TSPAN4: variants seen among roughly 807,000 people sequenced by gnomAD.
TSPAN4 encodes tetraspanin 4, also known as tetraspanin-4.
A neutral mutation model predicts 31.5 loss-of-function variants in TSPAN4; 38 were observed. That is an observed-to-expected ratio of 1.21 (90% CI 0.93 to 1.58). TSPAN4 has a LOEUF of 1.58. TSPAN4 is among the 40% of genes most tolerant of loss of function. TSPAN4 has a pLI of 0.00. For synonymous variants in TSPAN4, 186 were observed against 144.6 expected (o/e 1.29, Z -2.06); for missense variants, 330 against 317.3 (o/e 1.04, Z -0.30).
chr11:850,703 T>G (rs1366105723), intron 3 of TSPAN4, among the ~76,000 whole-genome samples: 2 of 152,196 alleles, frequency 1.3e-5, no homozygotes, highest in Non-Finnish European at 2.9e-5. Context: ...GCGCCTCTCC[T>G]AGGGTCGGGG....
Position 866,524 on chromosome 11 carries a change from T to C in TSPAN4, c.649-38T>C. 3 of 1,597,886 alleles carry C rather than the reference T, an allele frequency of 1.9e-6. No individual in the cohort carries two copies. The South Asian group carries it at 3.3e-5, about 18-fold the overall frequency. ...GCTCTGGGCTTGAGGCCTGAGCCTGTGGAGCTGCCATGCCCAGTCCTCCTC... is the reference window on the plus strand; with the variant it reads ...GCTCTGGGCTTGAGGCCTGAGCCTGCGGAGCTGCCATGCCCAGTCCTCCTC... On this transcript the variant is annotated intron_variant, in intron 8 of 8. Transcript: ENST00000397397.
chr11:849,503 C>G (rs892421706), intron 2 of TSPAN4, among the ~76,000 whole-genome samples: 2 of 152,104 alleles, frequency 1.3e-5, no homozygotes, highest in Non-Finnish European at 2.9e-5. Flanking sequence ...GGCGAGGTAC[C>G]GTGGGGGGAA....
At position 859,262 on chromosome 11, in the gene TSPAN4, C is replaced by A. The variant is rs374941289; in HGVS notation, c.64-3288C>A. ...GCTCACACACACCCCCACTCACACA[C>A]ACCCTGGCCCACACGCACCTTGGCT... is the stretch of plus-strand genomic sequence containing the variant. On this transcript the variant is annotated intron_variant, in intron 3 of 8. Transcript: ENST00000397397. Among the ~76,000 whole-genome samples, 71 of 121,748 alleles carry A rather than the reference C, an allele frequency of 5.8e-4. 2 individuals are homozygous for A. The highest frequency in any genetic ancestry group is 1.7e-3 in the African/African-American group (53 of 30,770). 79.9% of individuals were successfully genotyped at this position (121,748 alleles called of 152,430 possible). A position where few individuals can be genotyped will look rare whatever the true frequency, so the allele number is the denominator to read the frequency against.
At position 864,289 on chromosome 11, in the gene TSPAN4, G is replaced by A. The variant is rs894880031; in HGVS notation, c.256-148G>A. The A allele has an allele frequency of 5.0e-5, 47 of 939,554 alleles. 1 individual carries two copies. The highest frequency in any genetic ancestry group is 3.4e-4 in the South Asian group (23 of 67,418). 58.2% of individuals were successfully genotyped at this position (939,554 alleles called of 1,614,324 possible). A position where few individuals can be genotyped will look rare whatever the true frequency, so the allele number is the denominator to read the frequency against. On this transcript the variant is annotated intron_variant, in intron 4 of 8. Coordinates refer to ENST00000397397, the MANE Select transcript of TSPAN4 (RefSeq NM_003271.5). ...CCAAGGGTTCTGAGGTGGGGGCGGC[G>A]TTCTGGGCTCTCTGGGAGTGGGGGC...
At chr11:866,099 C>T (rs898689571) in intron 8 of TSPAN4, 98 bp downstream of exon 8, 148 of 1,346,822 alleles carry the variant, frequency 1.1e-4, no homozygotes, top group Non-Finnish European at 6.4e-5. Context: ...CAGGAACCCA[C>T]GATCGGGGGA....
rs1847423854 is a variant in TSPAN4, at chr11:848,138, G to T, written c.-18+838G>T. Among the ~76,000 whole-genome samples the T allele has an allele frequency of 6.6e-6, 1 of 152,230 alleles. No individual in the cohort carries two copies. Among genetic ancestry groups the T allele is most frequent in the Non-Finnish European group, 1.5e-5 (1 of 68,028 alleles). The stretch of plus-strand genomic sequence containing the variant: ...TCTGCCCTCAGGTTGCACCTGCGTG[G>T]CCAGGGGAAGGGGGCCGGGCGCCAT... On this transcript the variant is annotated intron_variant, in intron 2 of 8. Transcript: ENST00000397397. The surrounding 1 kb of genome is among the most constrained non-coding windows in gnomAD (Gnocchi z 5.7).
At chr11:852,490 C>A (rs552520198) in intron 3 of TSPAN4, among the ~76,000 whole-genome samples, 19 of 152,072 alleles carry the variant, frequency 1.2e-4, no homozygotes, top group African/African-American at 3.1e-4. Context: ...CAGCCTTGGC[C>A]CCCCCCAACC....
intron 3 of TSPAN4, 96 bp downstream of exon 3, chr11:850,463 C>T: frequency 9.1e-7 from 1 of 1,093,232 alleles, no homozygotes. Context: ...CTGCCCCGGC[C>T]AGGCGTTGGG....
intron 3 of TSPAN4, among the ~76,000 whole-genome samples, chr11:853,343 C>T (rs1847860843): frequency 6.6e-6 from 1 of 152,180 alleles, no homozygotes; most frequent in African/African-American, 2.4e-5. Context: ...TCCTGGCTTC[C>T]AAGGTCTCTT....
chr11:862,755 C>A lies in TSPAN4; in HGVS notation c.255+14C>A. On this transcript the variant is annotated intron_variant, in intron 4 of 8. Coordinates refer to ENST00000397397, the MANE Select transcript of TSPAN4 (RefSeq NM_003271.5). ...CTCCTGCTCACTGTGAGTGCCGGGG[C>A]CCAAGCGATGCTCCGGGTGGGACCA... is the stretch of plus-strand genomic sequence containing the variant. 1.2e-6 allele frequency: 2 copies of A among 1,602,340 alleles called. No individual in the cohort carries two copies. Among genetic ancestry groups the A allele is most frequent in the Non-Finnish European group, 1.7e-6 (2 of 1,174,222 alleles).
intron 3 of TSPAN4, among the ~76,000 whole-genome samples, chr11:856,164 G>C (rs749061856): frequency 6.6e-6 from 1 of 152,204 alleles, no homozygotes. Flanking sequence ...CACGCCCAGC[G>C]CTGGGGGACG....
At chr11:847,500 C>G (rs1284166116) in intron 2 of TSPAN4, among the ~76,000 whole-genome samples, 200 bp downstream of exon 2, 2 of 152,098 alleles carry the variant, frequency 1.3e-5, no homozygotes, top group Non-Finnish European at 2.9e-5. Context: ...TTGAAGGACC[C>G]TCCCCGACTG....
intron 1 of TSPAN4, among the ~76,000 whole-genome samples, chr11:845,919 A>G (rs2133982639): frequency 1.3e-5 from 2 of 152,262 alleles, no homozygotes; most frequent in East Asian, 3.9e-4. Flanking sequence ...TGTAGCCCCC[A>G]GTCCCTGCTC....
At chr11:861,923 CAAAAAAAG>C (rs998669615) in intron 3 of TSPAN4, among the ~76,000 whole-genome samples, 14 of 151,768 alleles carry the variant, frequency 9.2e-5, no homozygotes, top group Admixed American at 4.6e-4. Flanking sequence ...ACTCCATCTC[CAAAAAAAG>C]AAAAAAAGAA....
intron 2 of TSPAN4, chr11:849,893 C>A (rs1847554257): frequency 6.7e-6 from 1 of 148,336 alleles, no homozygotes; most frequent in Non-Finnish European, 1.5e-5. Flanking sequence ...CGAGCGGATC[C>A]GCGCGACCCG....
chr11:856,541 C>T (rs759428961), intron 3 of TSPAN4, among the ~76,000 whole-genome samples: 1 of 152,232 alleles, frequency 6.6e-6, no homozygotes, highest in Non-Finnish European at 1.5e-5. Flanking sequence ...CCCACCTGAG[C>T]TTGTGTCTGG....
intron 2 of TSPAN4, among the ~76,000 whole-genome samples, chr11:847,857 C>T (rs1341995229): frequency 1.3e-5 from 2 of 152,158 alleles, no homozygotes; most frequent in Non-Finnish European, 2.9e-5. Flanking sequence ...CCTGCCACTT[C>T]CCCTTCCACC....
At position 866,959 on chromosome 11, in the gene TSPAN4, G is replaced by A; in HGVS notation, c.*329G>A. 1 of 243,094 alleles carries A rather than the reference G, an allele frequency of 4.1e-6. No homozygotes were observed. The highest frequency in any genetic ancestry group is 8.0e-6 in the Non-Finnish European group (1 of 125,454). The allele number at this position is 243,094 out of a possible 1,614,324, so 15.1% of individuals were successfully genotyped here. A position where few individuals can be genotyped will look rare whatever the true frequency, so the allele number is the denominator to read the frequency against. ...CCAGCCTGTGGCCCCCAGCCTCCTGGAAAACAGGTTGGCGCTGGAGGAGCC... is the reference window on the plus strand; with the variant it reads ...CCAGCCTGTGGCCCCCAGCCTCCTGAAAAACAGGTTGGCGCTGGAGGAGCC... On this transcript the variant is annotated 3_prime_UTR_variant, in exon 9 of 9. Coordinates refer to ENST00000397397, the MANE Select transcript of TSPAN4 (RefSeq NM_003271.5).
intron 3 of TSPAN4, chr11:859,827 C>T (rs1159315401): frequency 2.6e-5 from 4 of 152,374 alleles, no homozygotes; most frequent in Admixed American, 1.3e-4. Context: ...AAGCCACACC[C>T]AGGCTGGGCA....
Sources: gnomAD v4.1 joint callset for allele counts (sites outside exome capture counted in the v4.1 genomes callset) on GRCh38, gnomAD v4.1.1 for gene constraint, Gnocchi (gnomAD v3.1) non-coding constraint, MANE v1.5 for transcripts, NCBI Gene and HGNC (gene_info 2026-07-23, HGNC 2026-07-21) for gene names.